The following LUZP1 variants were observed in gnomAD, a reference collection of about 807,000 sequenced individuals.
The protein encoded by LUZP1 is filamin mechanobinding actin cross-linking protein.
LUZP1 carries 25 observed loss-of-function variants against 71.3 expected under a neutral mutation model. The ratio of observed to expected loss-of-function variants is 0.35; its 90% CI spans 0.26 to 0.49. The LOEUF (loss-of-function observed/expected upper bound fraction) is 0.49, where lower values mean the gene tolerates loss of function less well. Ranked by LOEUF, LUZP1 falls within the 20% of genes least tolerant of loss-of-function variation. The pLI is 0.99. For missense variants in LUZP1, 1,142 were observed against 1,300.8 expected, an observed-to-expected ratio of 0.88 and a Z score of 1.88; for synonymous variants, 481 against 506.4, an observed-to-expected ratio of 0.95 and a Z score of 0.67.
chr1:23,139,810 C>T (rs576899401), intron 2 of LUZP1, among the ~76,000 whole-genome samples: 2 of 152,078 alleles, frequency 1.3e-5, no homozygotes, highest in East Asian at 3.9e-4. Context: ...ATTAGCTGGG[C>T]TTGGTGGCAC....
chr1:23,118,749 G>A (rs1006945897), intron 2 of LUZP1, among the ~76,000 whole-genome samples: 1 of 152,116 alleles, frequency 6.6e-6, no homozygotes, highest in Non-Finnish European at 1.5e-5. Context: ...TCTTCTTCCT[G>A]GCAGCTGAAA....
chr1:23,087,614 G>A (rs938408861), exon 5 of LUZP1: 7 of 152,600 alleles, frequency 4.6e-5, no homozygotes, highest in African/African-American at 1.4e-4. Context: ...TTTGAAAGAG[G>A]ATCCCTTCTT....
At chr1:23,117,510 G>A (rs1422272779) in intron 2 of LUZP1, among the ~76,000 whole-genome samples, 1 of 69,116 alleles carries the variant, frequency 1.4e-5, no homozygotes, top group African/African-American at 7.3e-5. Context: ...GAAGCCCTGG[G>A]GGGGGGGGCG....
chr1:23,092,566 C>T lies in LUZP1; in HGVS notation c.1696G>A (p.Ala566Thr), dbSNP rs1161760162. The T allele has an allele frequency of 2.5e-6, 4 of 1,614,094 alleles. No homozygotes were observed. The Admixed American group carries it at 5.0e-5, about 20-fold the overall frequency. The change falls in exon 4 of 5, where the codon GCC becomes ACC. Residue 566 changes from alanine to threonine, a missense_variant. Coordinates refer to ENST00000302291, the Ensembl canonical transcript of LUZP1. ...GAGGATCTTCGAGATGAGGCCAGGG[C>T]TCCAATGGCCTTAGAACAGCCAGAG...
intron 2 of LUZP1, among the ~76,000 whole-genome samples, chr1:23,123,868 T>C (rs995919140): frequency 3.3e-5 from 5 of 152,030 alleles, no homozygotes; most frequent in African/African-American, 7.2e-5. Context: ...TTCCCAAGAG[T>C]AGTCACTTGG....
intron 2 of LUZP1, among the ~76,000 whole-genome samples, chr1:23,164,283 C>CA (rs1644492865): frequency 6.6e-6 from 1 of 152,172 alleles, no homozygotes; most frequent in South Asian, 2.1e-4. Flanking sequence ...ATCACGAGGT[C>CA]AGGAGATCGA....
chr1:23,091,599 T>G, exon 4 of LUZP1: 3 of 1,614,160 alleles, frequency 1.9e-6, no homozygotes, highest in Non-Finnish European at 2.5e-6. Flanking sequence ...GCTATTCCTC[T>G]CCACAGGATC....
At position 23,111,492 on chromosome 1, in the gene LUZP1, T is replaced by G. The variant is rs530021675; in HGVS notation, c.-225-2365A>C. Among the ~76,000 whole-genome samples the G allele has an allele frequency of 2.6e-5, 4 of 152,204 alleles. No individual in the cohort carries two copies. In the South Asian group the frequency reaches 6.2e-4, roughly 24 times the overall value. ...GGAGGATCACCTGGAGCCCAGAAGT[T>G]TGAGGCTGCTGTGAGCCACAGTTGT... is the stretch of plus-strand genomic sequence containing the variant. On this transcript the variant is annotated intron_variant, in intron 2 of 4. Transcript: ENST00000302291.
intron 2 of LUZP1, among the ~76,000 whole-genome samples, chr1:23,123,492 CAAAAA>C (rs10716851): frequency 9.4e-6 from 1 of 106,898 alleles, no homozygotes. Flanking sequence ...ACTTTGTCTC[CAAAAA>C]AAAAAAAAAA....
At chr1:23,159,336 G>A (rs1279198400) in intron 2 of LUZP1, among the ~76,000 whole-genome samples, 4 of 151,770 alleles carry the variant, frequency 2.6e-5, no homozygotes, top group African/African-American at 9.7e-5. Context: ...GCGAGACTCT[G>A]TCTCAAAAAA....
At chr1:23,088,138 G>A (rs1643793844) in exon 5 of LUZP1, 1 of 152,738 alleles carries the variant, frequency 6.5e-6, no homozygotes, top group African/African-American at 2.4e-5. Flanking sequence ...AGCATTACTG[G>A]TGCTCAGGAA....
At chr1:23,109,461 G>A (rs891562422) in intron 2 of LUZP1, 1 of 152,236 alleles carries the variant, frequency 6.6e-6, no homozygotes, top group South Asian at 2.1e-4. Flanking sequence ...CTTACAGCTA[G>A]GAAGCATCTC....
intron 3 of LUZP1, among the ~76,000 whole-genome samples, chr1:23,100,426 G>A (rs994084447): frequency 1.3e-5 from 2 of 152,150 alleles, no homozygotes; most frequent in Non-Finnish European, 2.9e-5. Flanking sequence ...CTTGCACAAT[G>A]TCTCAACCAC....
At chr1:23,084,082 A>T (rs1201822018) in exon 5 of LUZP1, 1 of 152,204 alleles carries the variant, frequency 6.6e-6, no homozygotes, top group Non-Finnish European at 1.5e-5. Flanking sequence ...GTATGTGCTA[A>T]AACTTCCCAA....
intron 2 of LUZP1, among the ~76,000 whole-genome samples, chr1:23,168,202 G>A (rs970705464): frequency 2.3e-5 from 3 of 131,082 alleles, no homozygotes; most frequent in Non-Finnish European, 4.9e-5. Flanking sequence ...GGCCCCGCAC[G>A]CCGGCCCGAC....
intron 2 of LUZP1, among the ~76,000 whole-genome samples, chr1:23,155,279 A>G (rs1017346936): frequency 2.6e-5 from 4 of 152,180 alleles, no homozygotes; most frequent in Non-Finnish European, 4.4e-5. Context: ...AAGTCCATCA[A>G]GATCTAAAAA....
Position 23,093,613 on chromosome 1 carries a change from T to C in LUZP1, c.649A>G (p.Lys217Glu). ...TTCATTTTTTTGTTCTGCTCTAGTTTTTGAGTGAGTTCTTTTATCAATTTC... is the reference window on the plus strand; with the variant it reads ...TTCATTTTTTTGTTCTGCTCTAGTTCTTGAGTGAGTTCTTTTATCAATTTC... Residue 217 changes from lysine (K) to glutamate (E), a missense_variant, in exon 4 of 5, where the codon AAA (lysine) becomes GAA (glutamate). Physicochemically the swap from Lys to Glu is moderately conservative, Grantham distance 56. Transcript: ENST00000302291. This position sits in a 1 kb window ranked among gnomAD's most constrained non-coding sequence, Gnocchi z 4.2. 6.2e-7 allele frequency: 1 copy of C among 1,612,212 alleles called. No individual in the cohort carries two copies. Among genetic ancestry groups the C allele is most frequent in the South Asian group, 1.1e-5 (1 of 90,346 alleles).
chr1:23,161,210 A>C (rs1644461734), intron 2 of LUZP1, among the ~76,000 whole-genome samples: 1 of 152,252 alleles, frequency 6.6e-6, no homozygotes, highest in Non-Finnish European at 1.5e-5. Context: ...CATGGAATCT[A>C]GCAGGGAAGA....
rs1474184636 is a variant in LUZP1, at chr1:23,095,403, G to A, written c.-119-1023C>T. Among the ~76,000 whole-genome samples the A allele has an allele frequency of 2.0e-5, 3 of 152,180 alleles. 1 individual carries two copies. The highest frequency in any genetic ancestry group is 6.5e-5 in the Admixed American group (1 of 15,276). On this transcript the variant is annotated intron_variant, in intron 3 of 4. Transcript: ENST00000302291. ...ATAAAATGTAACAATCACTTAAAAT[G>A]TATAGTTGATCACATAGAAAGTAAG... is the stretch of plus-strand genomic sequence containing the variant.
Sources: allele counts gnomAD v4.1 joint callset (sites outside exome capture counted in the v4.1 genomes callset), GRCh38; gene constraint gnomAD v4.1.1; non-coding constraint Gnocchi (gnomAD v3.1); transcripts MANE v1.5; gene names NCBI Gene and HGNC (gene_info 2026-07-23, HGNC 2026-07-21).